The following MYH10 variants were observed in gnomAD, a reference collection of about 807,000 sequenced individuals.
MYH10 encodes the protein myosin heavy chain 10.
Under a neutral mutation model 257.8 loss-of-function variants are expected in MYH10, and 55 were observed. The ratio of observed to expected loss-of-function variants is 0.21; its 90% CI spans 0.17 to 0.27. The LOEUF is 0.27. Among genes scored for constraint, MYH10 ranks in the 10% least tolerant of loss-of-function variants. The pLI is 1.00. For synonymous variants in MYH10, 854 were observed against 921.7 expected, an observed-to-expected ratio of 0.93 and a Z score of 1.33; for missense variants, 1,631 against 2,500.6, an observed-to-expected ratio of 0.65 and a Z score of 7.42.
rs77768450 is a variant in MYH10 at position 8,487,498 on chromosome 17, C to T, written c.4981G>A (p.Glu1661Lys). The T allele has an allele frequency of 2.1e-4, 341 of 1,614,188 alleles. 1 individual carries two copies. Among genetic ancestry groups the T allele is most frequent in the Non-Finnish European group, 2.6e-4 (308 of 1,180,044 alleles). ...TTGTTCGCAGCCTCGATTTGGGCTT[C>T]GAGGTCCTTCAGGTCTATCTCCATC... ...KKMEIDLKDLEAQIEAANKAR... is the reference protein window; with the variant it reads ...KKMEIDLKDLKAQIEAANKAR... Residue 1661 changes from glutamate to lysine, a missense_variant, in exon 36 of 43, where the codon GAA becomes AAA. Physicochemically the swap from Glu to Lys is moderately conservative, Grantham distance 56 (BLOSUM62 1). Transcript: ENST00000360416.
At chr17:8,568,002 C>G (rs1014817353) in intron 7 of MYH10, among the ~76,000 whole-genome samples, 2 of 152,146 alleles carry the variant, frequency 1.3e-5, no homozygotes, top group African/African-American at 4.8e-5. Flanking sequence ...CGTCAGTTAC[C>G]TCTTCATCCC....
In MYH10 at chr17:8,542,182, C is replaced by T. The variant is rs1485576473; in HGVS notation, c.1530G>A (p.Gln510=). The change falls in exon 14 of 43, where the codon CAG becomes CAA. Residue 510 remains glutamine (Q), a synonymous_variant. Transcript: ENST00000360416. ...TMFILEQEEY[Q]REGIEWNFID... Reference sequence around the variant, plus strand: ...TGAAGTTCCACTCGATGCCTTCGCGCTGGTATTCCTCTTGTTCTAGGATAA... The same window carrying T: ...TGAAGTTCCACTCGATGCCTTCGCGTTGGTATTCCTCTTGTTCTAGGATAA... 5.6e-6 allele frequency: 9 copies of T among 1,614,188 alleles called. 1 individual carries two copies. The highest frequency in any genetic ancestry group is 7.6e-6 in the Non-Finnish European group (9 of 1,180,044).
At chr17:8,489,694 A>C (rs1915426261) in intron 35 of MYH10, among the ~76,000 whole-genome samples, 1 of 74,718 alleles carries the variant, frequency 1.3e-5, no homozygotes, top group Admixed American at 1.2e-4. Flanking sequence ...ACAGAGCGAG[A>C]CTCCGTCTGA....
intron 28 of MYH10, among the ~76,000 whole-genome samples, chr17:8,502,480 TTG>T (rs55865122): frequency 8.0e-5 from 12 of 150,254 alleles, no homozygotes; most frequent in South Asian, 4.2e-4. Flanking sequence ...GGGAAAATAG[TTG>T]TGTGTGTGTG....
chr17:8,623,853 C>G (rs1598007018), intron 1 of MYH10, among the ~76,000 whole-genome samples: 1 of 152,270 alleles, frequency 6.6e-6, no homozygotes, highest in South Asian at 2.1e-4. Context: ...TTAATGTGAT[C>G]AACTGGGACC....
chr17:8,613,038 A>G (rs1488544099), intron 2 of MYH10, among the ~76,000 whole-genome samples: 1 of 152,220 alleles, frequency 6.6e-6, no homozygotes, highest in Non-Finnish European at 1.5e-5. Flanking sequence ...AAAAGTGTTG[A>G]AATCCAAAGA....
At chr17:8,527,062 A>T (rs1567850288) in intron 17 of MYH10, among the ~76,000 whole-genome samples, 1 of 152,178 alleles carries the variant, frequency 6.6e-6, no homozygotes, top group Non-Finnish European at 1.5e-5. Context: ...TATAGATGAA[A>T]ATGTCACTGT....
intron 7 of MYH10, among the ~76,000 whole-genome samples, chr17:8,560,035 A>G (rs2082934654): frequency 6.6e-6 from 1 of 152,204 alleles, no homozygotes; most frequent in South Asian, 2.1e-4. Context: ...ATCATATGGT[A>G]TCACCTAGTT....
At chr17:8,536,384 A>G (rs540668673) in intron 14 of MYH10, among the ~76,000 whole-genome samples, 1 of 152,214 alleles carries the variant, frequency 6.6e-6, no homozygotes, top group Admixed American at 6.5e-5. Flanking sequence ...GTAATTTTAA[A>G]TTAAATGTAT....
chr17:8,589,294 T>C (rs2152046152), intron 3 of MYH10, among the ~76,000 whole-genome samples, 186 bp from the exon 4 acceptor site: 1 of 87,180 alleles, frequency 1.1e-5, no homozygotes, highest in South Asian at 4.0e-4. Context: ...ATATCTCCTA[T>C]TATTATGCCA....
At chr17:8,548,283 C>G (rs762377423) in intron 11 of MYH10, 30 bp downstream of exon 11, 10 of 1,542,416 alleles carry the variant, frequency 6.5e-6, no homozygotes, top group Non-Finnish European at 8.0e-6. Context: ...GCCATCGAAA[C>G]AGAAATAAAG....
intron 7 of MYH10, among the ~76,000 whole-genome samples, chr17:8,557,894 T>C (rs111581461): frequency 0.017 from 2,656 of 152,294 alleles, 72 homozygotes; most frequent in African/African-American, 0.058. Flanking sequence ...AGGATGGTGT[T>C]AGTCACCAAA....
intron 4 of MYH10, among the ~76,000 whole-genome samples, chr17:8,587,371 G>A (rs184309411): frequency 9.3e-4 from 141 of 152,220 alleles, no homozygotes; most frequent in Admixed American, 1.6e-3. Flanking sequence ...AACAATGCTA[G>A]CAAAAAATTC....
intron 7 of MYH10, chr17:8,561,414 T>C (rs2082989755): frequency 3.8e-6 from 4 of 1,055,288 alleles, no homozygotes; most frequent in Non-Finnish European, 5.8e-6. Context: ...TCGATGCCTA[T>C]GTGCTTCCCA....
chr17:8,542,385 T>A, intron 13 of MYH10, 105 bp from the exon 14 acceptor site: 1 of 962,204 alleles, frequency 1.0e-6, no homozygotes, highest in Non-Finnish European at 1.6e-6. Flanking sequence ...CATTACTAAT[T>A]AGGTAGGAAG....
At position 8,490,410 on chromosome 17, in the gene MYH10, G is replaced by C. The variant is rs745726185; in HGVS notation, c.4814C>G (p.Ala1605Gly). The part of the protein sequence containing the change: ...RLEVNMQAMK[A>G]QFERDLQTRD... ...GGTTTGCAGGTCTCTCTCGAACTGC[G>C]CCTTCATGGCCTGCATGTTGACCTC... is the stretch of plus-strand genomic sequence containing the variant. The change falls in exon 35 of 43, where the codon GCG (alanine) becomes GGG (glycine). Residue 1605 changes from alanine (A) to glycine (G), a missense_variant. Physicochemically the swap from Ala to Gly is moderately conservative, Grantham distance 60. Transcript: ENST00000360416. The surrounding 1 kb of genome is among the most constrained non-coding windows in gnomAD (Gnocchi z 4.1). 3.1e-6 allele frequency: 5 copies of C among 1,614,002 alleles called. No homozygotes were observed. Among genetic ancestry groups the C allele is most frequent in the Non-Finnish European group, 4.2e-6 (5 of 1,180,032 alleles).
intron 27 of MYH10, among the ~76,000 whole-genome samples, chr17:8,505,450 T>G (rs1021211028): frequency 1.3e-5 from 2 of 152,230 alleles, no homozygotes; most frequent in African/African-American, 2.4e-5. Context: ...TGGGAATAGT[T>G]GGGATGTTTG....
Position 8,623,220 on chromosome 17 carries a change from A to G in MYH10, c.27T>C (p.Asp9=), listed in dbSNP as rs1262165470. MAQRTGLE[D]PERYLFVDRA... ...TGTCCACAAAGAGATACCTCTCTGG[A>G]TCCTCGAGTCCAGTTCTCTGCGCCA... is the stretch of plus-strand genomic sequence containing the variant. Residue 9 remains aspartate, a synonymous_variant, in exon 2 of 43, where the codon GAT becomes GAC. Coordinates refer to ENST00000360416, the MANE Select transcript of MYH10 (RefSeq NM_001256012.3). 3 of 1,600,484 alleles carry G rather than the reference A, an allele frequency of 1.9e-6. No homozygotes were observed. Among genetic ancestry groups the G allele is most frequent in the East Asian group, 2.2e-5 (1 of 44,780 alleles).
rs189293583 is a variant in MYH10 at position 8,492,772 on chromosome 17, C to T, written c.4458+4G>A. ...CAGGAGGAAACGACACGTGGCCGAC[C>T]CACCTGGTCAAACTTCTTCTGCTTC... On this transcript the variant is annotated splice_donor_region_variant and intron_variant, in intron 33 of 42. Transcript: ENST00000360416. 6.2e-7 allele frequency: 1 copy of T among 1,612,752 alleles called. No homozygotes were observed. Among genetic ancestry groups the T allele is most frequent in the African/African-American group, 1.3e-5 (1 of 74,834 alleles).
Sources: allele counts gnomAD v4.1 joint callset (sites outside exome capture counted in the v4.1 genomes callset), GRCh38; gene constraint gnomAD v4.1.1; non-coding constraint Gnocchi (gnomAD v3.1); transcripts MANE v1.5; gene names NCBI Gene and HGNC (gene_info 2026-07-23, HGNC 2026-07-21).